Variants in CFDP1 observed in about 807,000 individuals in gnomAD.
The protein encoded by CFDP1 is heterochromatin-stabilizing protein CFDP1.
A neutral mutation model predicts 40.1 loss-of-function variants in CFDP1; 31 were observed. That is an observed-to-expected ratio of 0.77 (90% CI 0.58 to 1.04). The LOEUF is 1.04. Among genes scored for constraint, CFDP1 ranks in the 50% least tolerant of loss-of-function variants. The pLI is 0.00. For synonymous variants in CFDP1, 167 were observed against 120.0 expected, an observed-to-expected ratio of 1.39 and a Z score of -2.56; for missense variants, 423 against 343.4, an observed-to-expected ratio of 1.23 and a Z score of -1.83.
intron 1 of CFDP1, among the ~76,000 whole-genome samples, chr16:75,432,438 C>A (rs1340697943): frequency 9.6e-6 from 1 of 104,594 alleles, no homozygotes; most frequent in Non-Finnish European, 2.3e-5. Flanking sequence ...GCAGTCCCAG[C>A]TACTCCAGAG....
intron 5 of CFDP1, among the ~76,000 whole-genome samples, chr16:75,363,452 G>A (rs535568412): frequency 3.3e-5 from 5 of 151,418 alleles, no homozygotes; most frequent in Non-Finnish European, 5.9e-5. Flanking sequence ...CTGGAGTGCA[G>A]TGGCGCAATC....
chr16:75,328,657 T>G (rs1303081209), intron 5 of CFDP1, among the ~76,000 whole-genome samples: 11 of 109,978 alleles, frequency 1.0e-4, no homozygotes, highest in South Asian at 3.0e-4. Context: ...TACTGATAAA[T>G]AAAGAAATAG....
chr16:75,375,440 T>G (rs993084853), intron 5 of CFDP1, among the ~76,000 whole-genome samples: 1 of 152,134 alleles, frequency 6.6e-6, no homozygotes, highest in Non-Finnish European at 1.5e-5. Flanking sequence ...ATTATTAGTT[T>G]TCAGAGCAAT....
At chr16:75,371,464 T>TA (rs1245591657) in intron 5 of CFDP1, among the ~76,000 whole-genome samples, 1 of 152,200 alleles carries the variant, frequency 6.6e-6, no homozygotes, top group South Asian at 2.1e-4. Context: ...GGGGCGAGGT[T>TA]AAAAAAACTG....
intron 1 of CFDP1, among the ~76,000 whole-genome samples, chr16:75,416,852 C>G (rs78270247): frequency 2.7e-5 from 1 of 37,502 alleles, no homozygotes; most frequent in Admixed American, 4.7e-4. Flanking sequence ...TGGAAACAAT[C>G]AATATCCAAA....
chr16:75,319,765 C>T (rs1241113796), intron 5 of CFDP1, among the ~76,000 whole-genome samples: 1 of 152,168 alleles, frequency 6.6e-6, no homozygotes, highest in Non-Finnish European at 1.5e-5. Flanking sequence ...TGCCACCCCT[C>T]ACAACCCAGG....
At chr16:75,416,289 G>A (rs1198077114) in intron 1 of CFDP1, among the ~76,000 whole-genome samples, 1 of 152,018 alleles carries the variant, frequency 6.6e-6, no homozygotes, top group African/African-American at 2.4e-5. Flanking sequence ...CAGAAAGAGG[G>A]GATGGGGAGG....
At position 75,353,317 on chromosome 16, in the gene CFDP1, T is replaced by C. The variant is rs376448981; in HGVS notation, c.650+41773A>G. Among the ~76,000 whole-genome samples, 225 of 152,344 alleles carry C rather than the reference T, an allele frequency of 1.5e-3. 1 individual carries two copies. The highest frequency in any genetic ancestry group is 5.3e-3 in the African/African-American group (220 of 41,584). ...TAGGTATGTGAATAGTATGTAGTTATGTTTAAAAAGAAGAGATACATACTG... is the reference window on the plus strand; with the variant it reads ...TAGGTATGTGAATAGTATGTAGTTACGTTTAAAAAGAAGAGATACATACTG... On this transcript the variant is annotated intron_variant, in intron 5 of 6. Transcript: ENST00000283882.
chr16:75,389,365 T>C (rs2078928790), intron 5 of CFDP1, among the ~76,000 whole-genome samples: 1 of 152,244 alleles, frequency 6.6e-6, no homozygotes, highest in Non-Finnish European at 1.5e-5. Context: ...TGTAGTTTGA[T>C]TCCTGCCTCT....
At chr16:75,373,305 T>G (rs2078767343) in intron 5 of CFDP1, among the ~76,000 whole-genome samples, 1 of 152,264 alleles carries the variant, frequency 6.6e-6, no homozygotes. Context: ...TCATTCATTC[T>G]TGCTAATGCT....
rs1459331442 is a variant in CFDP1, at chr16:75,433,440, G to T, written c.-88C>A. ...CTCTAGGGAGAGACCATAGAGCCCC[G>T]GCGGCGGCGACGGCAGCTAGGGCGG... On this transcript the variant is annotated 5_prime_UTR_variant, in exon 1 of 7. Coordinates refer to ENST00000283882, the MANE Select transcript of CFDP1 (RefSeq NM_006324.3). 7.3e-7 allele frequency: 1 copy of T among 1,370,108 alleles called. No individual in the cohort carries two copies. The highest frequency in any genetic ancestry group is 1.0e-6 in the Non-Finnish European group (1 of 995,898). 84.9% of individuals were successfully genotyped at this position (1,370,108 alleles called of 1,614,324 possible).
chr16:75,388,461 C>G (rs1223472212), intron 5 of CFDP1, among the ~76,000 whole-genome samples: 1 of 152,078 alleles, frequency 6.6e-6, no homozygotes, highest in Non-Finnish European at 1.5e-5. Flanking sequence ...AAGCAGTTGC[C>G]TACAGGAACC....
chr16:75,374,650 C>T lies in CFDP1; in HGVS notation c.650+20440G>A, dbSNP rs150953568. Among the ~76,000 whole-genome samples, 827 of 151,416 alleles carry T rather than the reference C, an allele frequency of 5.5e-3. 5 individuals are homozygous for T. Among genetic ancestry groups the T allele is most frequent in the Admixed American group, 0.011 (163 of 15,198 alleles). On this transcript the variant is annotated intron_variant, in intron 5 of 6. Transcript: ENST00000283882. ...TGGGCAACATAGTGAGACCCCATCT[C>T]TTAAAAAAAAAACACACAGAAATAA...
At chr16:75,418,731 C>CT (rs1329455536) in intron 1 of CFDP1, among the ~76,000 whole-genome samples, 1 of 89,278 alleles carries the variant, frequency 1.1e-5, no homozygotes, top group East Asian at 5.5e-4. Context: ...AAAAGGCTCC[C>CT]TAAAAAAAAA....
chr16:75,391,660 G>A (rs748796571), intron 5 of CFDP1, among the ~76,000 whole-genome samples: 13 of 152,184 alleles, frequency 8.5e-5, no homozygotes, highest in Admixed American at 2.6e-4. Flanking sequence ...ATGGGCGGCA[G>A]TCAAGAAAGT....
At position 75,403,131 on chromosome 16, in the gene CFDP1, C is replaced by T. The variant is rs554811442; in HGVS notation, c.531-7922G>A. ...ATCAAGGACATTTAAAATTACCATC[C>T]ACTTGTTTTCAAAAATGAAATAGGA... is the stretch of plus-strand genomic sequence containing the variant. On this transcript the variant is annotated intron_variant, in intron 4 of 6. Transcript: ENST00000283882. Among the ~76,000 whole-genome samples, 17 of 152,252 alleles carry T rather than the reference C, an allele frequency of 1.1e-4. No individual in the cohort carries two copies. In the South Asian group the frequency reaches 3.3e-3, roughly 30 times the overall value.
intron 4 of CFDP1, among the ~76,000 whole-genome samples, chr16:75,407,623 C>G (rs2079112683): frequency 7.5e-6 from 1 of 133,508 alleles, no homozygotes; most frequent in African/African-American, 2.8e-5. Context: ...TTGGTTGAGG[C>G]TAGCGTGAAT....
chr16:75,368,714 C>A (rs201203892), intron 5 of CFDP1, among the ~76,000 whole-genome samples: 1 of 151,528 alleles, frequency 6.6e-6, no homozygotes, highest in East Asian at 1.9e-4. Flanking sequence ...CAGGGTCTCA[C>A]TCTGTCAGCC....
chr16:75,308,439 A>C (rs1043320593), intron 5 of CFDP1, among the ~76,000 whole-genome samples: 1 of 152,086 alleles, frequency 6.6e-6, no homozygotes, highest in African/African-American at 2.4e-5. Context: ...CTAACTAAGG[A>C]TTTTAGGAGA....
Sources: gnomAD v4.1 joint callset for allele counts (sites outside exome capture counted in the v4.1 genomes callset) on GRCh38, gnomAD v4.1.1 for gene constraint, MANE v1.5 for transcripts, NCBI Gene and HGNC (gene_info 2026-07-23, HGNC 2026-07-21) for gene names.